The following LPIN3 variants were observed in gnomAD, a reference collection of about 807,000 sequenced individuals.
LPIN3 encodes the protein phosphatidate phosphatase LPIN3.
In LPIN3, 82 loss-of-function variants were observed where a neutral mutation model predicts 94.7. The ratio of observed to expected loss-of-function variants is 0.87; its 90% CI spans 0.72 to 1.04. LPIN3 has a LOEUF of 1.04. LPIN3 is among the 50% of genes least tolerant of loss of function. LPIN3 has a pLI of 0.00. For missense variants in LPIN3, 996 were observed against 1,090.5 expected (o/e 0.91, Z 1.22); for synonymous variants, 418 against 443.3 (o/e 0.94, Z 0.72).
chr20:41,346,240 G>A (rs531308109), intron 2 of LPIN3, among the ~76,000 whole-genome samples: 3 of 152,334 alleles, frequency 2.0e-5, no homozygotes, highest in Non-Finnish European at 2.9e-5. Context: ...TGCTGGGGCC[G>A]TCAGACCTGG....
chr20:41,348,586 GCC>G lies in LPIN3; in HGVS notation c.289-29_289-28del. ...GGTGAGCGCAGCCCCACTAGGGTCA[GCC>G]CCCGACCTCAGTTCTTGGTCTGTTC... On this transcript the variant is annotated intron_variant, in intron 3 of 19. Transcript: ENST00000373257. 1.9e-6 allele frequency: 3 copies of G among 1,573,236 alleles called. No individual in the cohort carries two copies. The South Asian group carries it at 3.6e-5, about 19-fold the overall frequency.
intron 2 of LPIN3, among the ~76,000 whole-genome samples, chr20:41,346,220 C>T (rs915634390): frequency 3.3e-5 from 5 of 152,204 alleles, no homozygotes; most frequent in African/African-American, 9.6e-5. Flanking sequence ...ACCAGTAGGG[C>T]TCATCCCAGT....
intron 10 of LPIN3, 39 bp downstream of exon 10, chr20:41,352,738 C>T (rs1449514033): frequency 3.1e-6 from 5 of 1,611,992 alleles, no homozygotes; most frequent in Non-Finnish European, 4.2e-6. Context: ...GCCGGAGAGT[C>T]ATTTCCCTCT....
In LPIN3 at chr20:41,348,650, C is replaced by T. The variant is rs756072581; in HGVS notation, c.320C>T (p.Pro107Leu). ...EHVPPGLCTSPIPWGGLSGFP... is the reference protein window; with the variant it reads ...EHVPPGLCTSLIPWGGLSGFP... ...GTGCCTCCCGGCCTGTGCACCTCACCCATCCCTTGGGGGGGTCTGTCTGGC... is the reference window on the plus strand; with the variant it reads ...GTGCCTCCCGGCCTGTGCACCTCACTCATCCCTTGGGGGGGTCTGTCTGGC... The change falls in exon 4 of 20, where the codon CCC becomes CTC. Residue 107 changes from proline to leucine, a missense_variant. Physicochemically the swap from Pro to Leu is moderately conservative, Grantham distance 98. Coordinates refer to ENST00000373257, the MANE Select transcript of LPIN3 (RefSeq NM_022896.3). 6.2e-7 allele frequency: 1 copy of T among 1,613,120 alleles called. No individual in the cohort carries two copies. Among genetic ancestry groups the T allele is most frequent in the African/African-American group, 1.3e-5 (1 of 75,028 alleles).
At chr20:41,342,654 G>C (rs1472186922) in intron 1 of LPIN3, among the ~76,000 whole-genome samples, 2 of 141,346 alleles carry the variant, frequency 1.4e-5, no homozygotes, top group African/African-American at 5.3e-5. Context: ...CCAAAATGCT[G>C]AGCAGGCAGA....
In LPIN3 at chr20:41,354,747, C is replaced by A; in HGVS notation, c.1620+10C>A. ...CTTCCTGGCCGAGGAGGTGGGTGGTCACAGTCGAGGGCCAGGGCCAGGGCC... is the reference window on the plus strand; with the variant it reads ...CTTCCTGGCCGAGGAGGTGGGTGGTAACAGTCGAGGGCCAGGGCCAGGGCC... On this transcript the variant is annotated intron_variant, in intron 12 of 19. Coordinates refer to ENST00000373257, the MANE Select transcript of LPIN3 (RefSeq NM_022896.3). 1 of 1,606,910 alleles carries A rather than the reference C, an allele frequency of 6.2e-7. No homozygotes were observed. The highest frequency in any genetic ancestry group is 8.5e-7 in the Non-Finnish European group (1 of 1,175,856).
chr20:41,347,372 G>A (rs1373513544), intron 2 of LPIN3, among the ~76,000 whole-genome samples, 180 bp from the exon 3 acceptor site: 1 of 152,190 alleles, frequency 6.6e-6, no homozygotes, highest in African/African-American at 2.4e-5. Flanking sequence ...TGAGGAAGGG[G>A]AGATGCAGCA....
At chr20:41,349,272 G>C (rs955637919) in intron 5 of LPIN3, 100 bp downstream of exon 5, 1 of 963,150 alleles carries the variant, frequency 1.0e-6, no homozygotes, top group African/African-American at 1.6e-5. Flanking sequence ...CCCATTTAAT[G>C]TGTTTACTAG....
At chr20:41,342,056 C>A (rs886827337) in intron 1 of LPIN3, among the ~76,000 whole-genome samples, 1 of 152,174 alleles carries the variant, frequency 6.6e-6, no homozygotes, top group Non-Finnish European at 1.5e-5. Context: ...CTGCAGTGCC[C>A]ACAGGACCAG....
intron 4 of LPIN3, 21 bp from the exon 5 acceptor site, chr20:41,349,071 T>C: frequency 6.2e-7 from 1 of 1,613,884 alleles, no homozygotes; most frequent in Non-Finnish European, 8.5e-7. Context: ...CAGTGACCAT[T>C]TCCTTGTGGC....
chr20:41,348,657 T>G lies in LPIN3; in HGVS notation c.327T>G (p.Pro109=), dbSNP rs1287652553. The G allele has an allele frequency of 6.2e-7, 1 of 1,613,588 alleles. No homozygotes were observed. Among genetic ancestry groups the G allele is most frequent in the Non-Finnish European group, 8.5e-7 (1 of 1,179,652 alleles). Residue 109 remains proline, a synonymous_variant, in exon 4 of 20, where the codon CCT becomes CCG. Coordinates refer to ENST00000373257, the MANE Select transcript of LPIN3 (RefSeq NM_022896.3). The stretch of plus-strand genomic sequence containing the variant: ...CCGGCCTGTGCACCTCACCCATCCC[T>G]TGGGGGGGTCTGTCTGGCTTCCCCT... ...VPPGLCTSPI[P]WGGLSGFPSD... is the part of the protein sequence containing the mutation.
At position 41,357,942 on chromosome 20, in the gene LPIN3, G is replaced by C; in HGVS notation, c.2100G>C (p.Lys700Asn). The change falls in exon 17 of 20, where the codon AAG (lysine) becomes AAC (asparagine). Residue 700 changes from lysine (K) to asparagine (N), a missense_variant. Coordinates refer to ENST00000373257, the MANE Select transcript of LPIN3 (RefSeq NM_022896.3). The part of the protein sequence containing the change: ...ARAIGMADLT[K>N]GYLQWVSEGG... ...CCATTGGCATGGCGGACCTCACCAA[G>C]GGGTACCTGCAGTGGGTGAGCGAGG... 2 of 1,614,060 alleles carry C rather than the reference G, an allele frequency of 1.2e-6. No individual in the cohort carries two copies. Among genetic ancestry groups the C allele is most frequent in the Non-Finnish European group, 1.7e-6 (2 of 1,179,992 alleles).
At chr20:41,347,223 G>T (rs1305744375) in intron 2 of LPIN3, among the ~76,000 whole-genome samples, 1 of 152,236 alleles carries the variant, frequency 6.6e-6, no homozygotes, top group Non-Finnish European at 1.5e-5. Flanking sequence ...TATTCTTATG[G>T]ATGTGAGAGA....
intron 1 of LPIN3, among the ~76,000 whole-genome samples, chr20:41,344,061 C>CA (rs201851348): frequency 0.011 from 1,490 of 130,086 alleles, 15 homozygotes; most frequent in East Asian, 0.056. Flanking sequence ...GATCCTGTCT[C>CA]AAAAAAAAAA....
At chr20:41,341,821 C>T (rs554751001) in intron 1 of LPIN3, among the ~76,000 whole-genome samples, 1 of 152,080 alleles carries the variant, frequency 6.6e-6, no homozygotes. Context: ...ACTAAAAATA[C>T]AAAAAATTAG....
chr20:41,358,376 T>G (rs1299812542), intron 18 of LPIN3, 25 bp downstream of exon 18: 2 of 1,613,502 alleles, frequency 1.2e-6, no homozygotes, highest in Non-Finnish European at 1.7e-6. Context: ...TCCACTCTGC[T>G]GAGCCACCTC....
chr20:41,354,659 G>GT lies in LPIN3; in HGVS notation c.1542_1543insT (p.Leu515SerfsTer50). The GT allele has an allele frequency of 1.3e-6, 2 of 1,591,190 alleles. No individual in the cohort carries two copies. Among genetic ancestry groups the GT allele is most frequent in the Non-Finnish European group, 1.7e-6 (2 of 1,167,108 alleles). The stretch of plus-strand genomic sequence containing the variant: ...TCTGCCCACAGAGCACCATGGACAA[G>GT]CTGGAGAGGGAGAAGATGCCCCGGA... On this transcript the variant is annotated frameshift_variant, in exon 12 of 20. Coordinates refer to ENST00000373257, the MANE Select transcript of LPIN3 (RefSeq NM_022896.3). LOFTEE classifies it high-confidence loss of function.
In LPIN3 at chr20:41,355,394, C is replaced by T. The variant is rs546520823; in HGVS notation, c.1665-502C>T. Among the ~76,000 whole-genome samples the T allele has an allele frequency of 7.6e-4, 115 of 152,312 alleles. 1 individual carries two copies. Among genetic ancestry groups the T allele is most frequent in the African/African-American group, 2.7e-3 (113 of 41,576 alleles). On this transcript the variant is annotated intron_variant, in intron 13 of 19. Coordinates refer to ENST00000373257, the MANE Select transcript of LPIN3 (RefSeq NM_022896.3). The stretch of plus-strand genomic sequence containing the variant: ...GCCTAGAGACACATTTCCTGGCCAA[C>T]AACCAGGAAATGGCAGAGCTGACAC...
rs530423167 is a variant in LPIN3, at chr20:41,354,038, T to C, written c.1528-607T>C. Among the ~76,000 whole-genome samples the C allele has an allele frequency of 2.4e-4, 37 of 152,306 alleles. 1 individual carries two copies. Among genetic ancestry groups the C allele is most frequent in the African/African-American group, 8.9e-4 (37 of 41,570 alleles). Reference sequence around the variant, plus strand: ...CAGCCCAAGCCCACATCCTCCTGACTTGGGTCTGTAGGATGCTGGTGTGTC... The same window carrying C: ...CAGCCCAAGCCCACATCCTCCTGACCTGGGTCTGTAGGATGCTGGTGTGTC... On this transcript the variant is annotated intron_variant, in intron 11 of 19. Transcript: ENST00000373257.
Sources: gnomAD v4.1 joint callset for allele counts (sites outside exome capture counted in the v4.1 genomes callset) on GRCh38, gnomAD v4.1.1 for gene constraint, MANE v1.5 for transcripts, NCBI Gene and HGNC (gene_info 2026-07-23, HGNC 2026-07-21) for gene names.